ERBIN: variants seen among roughly 807,000 people sequenced by gnomAD.
ERBIN encodes erbb2 interacting protein, also known as densin-180-like protein.
Under a neutral mutation model 158.4 loss-of-function variants are expected in ERBIN, and 60 were observed. The ratio of observed to expected loss-of-function variants is 0.38; its 90% CI spans 0.31 to 0.47. The LOEUF (loss-of-function observed/expected upper bound fraction) is 0.47. Among genes scored for constraint, ERBIN ranks in the 20% least tolerant of loss-of-function variants. The pLI is 0.99. For missense variants in ERBIN, 1,610 were observed against 1,648.0 expected, an observed-to-expected ratio of 0.98 and a Z score of 0.40; for synonymous variants, 594 against 557.2, an observed-to-expected ratio of 1.07 and a Z score of -0.93.
intron 20 of ERBIN, 34 bp downstream of exon 20, chr5:66,051,000 A>T: frequency 3.6e-6 from 5 of 1,381,350 alleles, no homozygotes; most frequent in Non-Finnish European, 5.0e-6. Flanking sequence ...TTTTATTTAT[A>T]CAATAAATAG....
intron 21 of ERBIN, among the ~76,000 whole-genome samples, chr5:66,061,077 T>C (rs1453857083): frequency 6.6e-6 from 1 of 152,186 alleles, no homozygotes; most frequent in Non-Finnish European, 1.5e-5. Context: ...GGTGCAGAGC[T>C]GAGTTGAGTT....
chr5:65,949,686 T>G (rs1034726241), intron 1 of ERBIN, among the ~76,000 whole-genome samples: 1 of 152,206 alleles, frequency 6.6e-6, no homozygotes, highest in Non-Finnish European at 1.5e-5. Flanking sequence ...CATGGTACAT[T>G]TATCAAAACT....
At chr5:66,012,834 G>GT (rs1478068005) in intron 5 of ERBIN, among the ~76,000 whole-genome samples, 1 of 152,134 alleles carries the variant, frequency 6.6e-6, no homozygotes, top group Non-Finnish European at 1.5e-5. Flanking sequence ...GCTAACACAC[G>GT]TAGGTTGTTA....
chr5:66,034,240 G>A lies in ERBIN; in HGVS notation c.1207-4143G>A, dbSNP rs532846477. ...TATGACGTTTGTGAAAGGGAGGAGA[G>A]GAAATAGTGTACATTATGATACTCT... On this transcript the variant is annotated intron_variant, in intron 14 of 25. Coordinates refer to ENST00000284037, the MANE Select transcript of ERBIN (RefSeq NM_001253697.2). Among the ~76,000 whole-genome samples the A allele has an allele frequency of 9.9e-5, 15 of 151,996 alleles. No homozygotes were observed. In the South Asian group the frequency reaches 2.7e-3, roughly 27 times the overall value.
intron 17 of ERBIN, among the ~76,000 whole-genome samples, chr5:66,045,060 T>A (rs897615292): frequency 2.6e-5 from 4 of 151,586 alleles, no homozygotes; most frequent in African/African-American, 7.3e-5. Context: ...CTACAAAAAA[T>A]TTTAAAAATT....
At chr5:66,056,120 T>A (rs555370239) in intron 21 of ERBIN, among the ~76,000 whole-genome samples, 3 of 152,262 alleles carry the variant, frequency 2.0e-5, no homozygotes, top group Non-Finnish European at 4.4e-5. Context: ...GGAACTAGAT[T>A]TTAGAGGAAG....
intron 1 of ERBIN, among the ~76,000 whole-genome samples, chr5:65,948,089 T>G (rs966501484): frequency 8.6e-5 from 13 of 151,798 alleles, no homozygotes; most frequent in African/African-American, 2.9e-4. Flanking sequence ...GAATGGACAG[T>G]GTTGTTGAGA....
rs143063941 is a variant in ERBIN at position 66,059,159 on chromosome 5, C to T, written c.3633+4208C>T. On this transcript the variant is annotated intron_variant, in intron 21 of 25. Transcript: ENST00000284037. ...GCCATTTTCATGATATTGATTCTTCCTACCCATGAGTATGAGATGTTCTTC... is the reference window on the plus strand; with the variant it reads ...GCCATTTTCATGATATTGATTCTTCTTACCCATGAGTATGAGATGTTCTTC... Among the ~76,000 whole-genome samples the T allele has an allele frequency of 3.9e-3, 595 of 152,276 alleles. 7 individuals are homozygous for T. Among genetic ancestry groups the T allele is most frequent in the African/African-American group, 0.014 (572 of 41,544 alleles).
At chr5:66,066,579 C>T (rs1761027806) in intron 21 of ERBIN, among the ~76,000 whole-genome samples, 1 of 150,584 alleles carries the variant, frequency 6.6e-6, no homozygotes, top group African/African-American at 2.4e-5. Context: ...AAGTAGATGT[C>T]ACCTTGAAAA....
rs1759387536 is a variant in ERBIN at position 66,054,481 on chromosome 5, G to A, written c.3163G>A (p.Glu1055Lys). The A allele has an allele frequency of 1.2e-6, 2 of 1,614,062 alleles. No homozygotes were observed. The highest frequency in any genetic ancestry group is 1.1e-5 in the South Asian group (1 of 91,094). Residue 1055 changes from glutamate (E) to lysine (K), a missense_variant, in exon 21 of 26, where the codon GAA (glutamate) becomes AAA (lysine). Transcript: ENST00000284037. ...HQRLGPARHG[E>K]MWAISPNDRL... Reference sequence around the variant, plus strand: ...GAGACTTGGCCCAGCAAGACATGGGGAAATGTGGGCCATCTCACCAAACGA... The same window carrying A: ...GAGACTTGGCCCAGCAAGACATGGGAAAATGTGGGCCATCTCACCAAACGA...
At chr5:65,977,988 C>A (rs1233395181) in intron 1 of ERBIN, among the ~76,000 whole-genome samples, 8 of 17,468 alleles carry the variant, frequency 4.6e-4, no homozygotes, top group African/African-American at 1.1e-3. Flanking sequence ...GGAGAGGGAG[C>A]GAGAAAGCTA....
rs184861306 is a variant in ERBIN, at chr5:66,009,355, A to G, written c.308-2694A>G. On this transcript the variant is annotated intron_variant, in intron 4 of 25. Transcript: ENST00000284037. ...AATTCAATAATGTTAAGTATTTTGTATGTAAATGAATGAGAGAAAAGAAGA... is the reference window on the plus strand; with the variant it reads ...AATTCAATAATGTTAAGTATTTTGTGTGTAAATGAATGAGAGAAAAGAAGA... Among the ~76,000 whole-genome samples, 46 of 152,346 alleles carry G rather than the reference A, an allele frequency of 3.0e-4. 1 individual carries two copies. Among genetic ancestry groups the G allele is most frequent in the African/African-American group, 2.4e-5 (1 of 41,594 alleles).
At chr5:66,035,550 C>G (rs1165172199) in intron 14 of ERBIN, among the ~76,000 whole-genome samples, 1 of 152,174 alleles carries the variant, frequency 6.6e-6, no homozygotes, top group Non-Finnish European at 1.5e-5. Context: ...TCACTGTCAT[C>G]TTTCACTTAG....
At chr5:66,077,875 C>T (rs1762157662) in intron 25 of ERBIN, among the ~76,000 whole-genome samples, 1 of 151,618 alleles carries the variant, frequency 6.6e-6, no homozygotes, top group African/African-American at 2.4e-5. Flanking sequence ...CAATTTGTGA[C>T]TGAGCAAGTT....
At chr5:65,955,122 CTTTTATGTTAAAAAAAGTCTTAAAA>C (rs973063110) in intron 1 of ERBIN, among the ~76,000 whole-genome samples, 1 of 151,922 alleles carries the variant, frequency 6.6e-6, no homozygotes, top group African/African-American at 2.4e-5. Flanking sequence ...CTTAGGACAA[CTTTTATGTTAAAAAAAGTCTTAAAA>C]TGGTTCGGAT....
chr5:65,936,830 C>T (rs1744141829), intron 1 of ERBIN, among the ~76,000 whole-genome samples: 1 of 152,194 alleles, frequency 6.6e-6, no homozygotes, highest in Non-Finnish European at 1.5e-5. Context: ...CAGATATACT[C>T]CGGTATGTGT....
chr5:66,061,309 A>C (rs917138939), intron 21 of ERBIN, among the ~76,000 whole-genome samples: 17 of 151,260 alleles, frequency 1.1e-4, no homozygotes, highest in African/African-American at 4.1e-4. Flanking sequence ...GCCTTCTTTG[A>C]CTCTTTTGAT....
At position 66,050,879 on chromosome 5, in the gene ERBIN, C is replaced by T. The variant is rs773910654; in HGVS notation, c.2000C>T (p.Ser667Leu). Residue 667 changes from serine to leucine, a missense_variant, in exon 20 of 26, where the codon TCA becomes TTA. By Grantham distance (145) the Ser-to-Leu change is moderately radical. Around this residue, in one of 2 missense-constraint regions of ERBIN, gnomAD observed 1,014 missense variants for 936.1 expected, o/e 1.08. Coordinates refer to ENST00000284037, the MANE Select transcript of ERBIN (RefSeq NM_001253697.2). Reference sequence around the variant, plus strand: ...TCTTCTCCATCTCGGATGTCTGATTCAGTTTCTCTTAATACTGATAGTAGT... The same window carrying T: ...TCTTCTCCATCTCGGATGTCTGATTTAGTTTCTCTTAATACTGATAGTAGT... ...NCSSPSRMSD[S>L]VSLNTDSSQD... 2.5e-5 allele frequency: 40 copies of T among 1,605,484 alleles called. No homozygotes were observed. The highest frequency in any genetic ancestry group is 1.7e-6 in the Non-Finnish European group (2 of 1,176,450).
At chr5:66,060,427 T>C (rs1760145800) in intron 21 of ERBIN, among the ~76,000 whole-genome samples, 1 of 152,208 alleles carries the variant, frequency 6.6e-6, no homozygotes, top group African/African-American at 2.4e-5. Context: ...GATTCTTCTC[T>C]CTTTTCTTCT....
Sources: allele counts gnomAD v4.1 joint callset (sites outside exome capture counted in the v4.1 genomes callset), GRCh38; gene constraint gnomAD v4.1.1; regional missense constraint gnomAD v4.1.1; transcripts MANE v1.5; gene names NCBI Gene and HGNC (gene_info 2026-07-23, HGNC 2026-07-21).